The following GRM7 variants were observed in gnomAD, a reference collection of about 807,000 sequenced individuals.
GRM7 encodes the protein glutamate metabotropic receptor 7.
GRM7 carries 35 observed loss-of-function variants against 84.5 expected under a neutral mutation model. The observed-to-expected ratio is 0.41, with a 90% CI of 0.32 to 0.55. GRM7 has a LOEUF of 0.55. Ranked by LOEUF, GRM7 falls within the 20% of genes least tolerant of loss-of-function variation. The pLI, the probability that GRM7 is intolerant of heterozygous loss-of-function variation, is 0.19. For missense variants in GRM7, 1,003 were observed against 1,194.6 expected, an observed-to-expected ratio of 0.84 and a Z score of 2.36; for synonymous variants, 487 against 455.1, an observed-to-expected ratio of 1.07 and a Z score of -0.89.
At chr3:7,534,155 A>G (rs1701152414) in intron 7 of GRM7, among the ~76,000 whole-genome samples, 1 of 151,968 alleles carries the variant, frequency 6.6e-6, no homozygotes, top group Non-Finnish European at 1.5e-5. Flanking sequence ...CTGGGACCAC[A>G]GGCACACACC....
At chr3:7,705,145 AC>A (rs1375223223) in intron 9 of GRM7, among the ~76,000 whole-genome samples, 1 of 152,098 alleles carries the variant, frequency 6.6e-6, no homozygotes, top group African/African-American at 2.4e-5. Context: ...AAATAGCTTC[AC>A]CTTGGCCAAC....
chr3:7,329,425 T>C (rs1383700276), intron 4 of GRM7, among the ~76,000 whole-genome samples: 2 of 152,184 alleles, frequency 1.3e-5, no homozygotes, highest in Non-Finnish European at 2.9e-5. Flanking sequence ...TGCCGGTAAT[T>C]GAGAAGTTGC....
intron 1 of GRM7, among the ~76,000 whole-genome samples, chr3:7,072,888 C>A (rs898069272): frequency 6.6e-6 from 1 of 152,034 alleles, no homozygotes; most frequent in South Asian, 2.1e-4. Flanking sequence ...GAATCATAGC[C>A]CCCAGGCTAA....
At chr3:7,392,575 G>C (rs772944061) in intron 4 of GRM7, among the ~76,000 whole-genome samples, 5 of 152,320 alleles carry the variant, frequency 3.3e-5, no homozygotes, top group African/African-American at 7.2e-5. Flanking sequence ...ACATGGGCAA[G>C]GCACTGTGGC....
At chr3:7,664,473 A>G (rs375393717) in intron 8 of GRM7, among the ~76,000 whole-genome samples, 6 of 152,166 alleles carry the variant, frequency 3.9e-5, no homozygotes, top group African/African-American at 1.4e-4. Flanking sequence ...CTCATGTGTT[A>G]CTATGGGCAA....
At chr3:7,632,316 C>T (rs1697892380) in intron 8 of GRM7, among the ~76,000 whole-genome samples, 1 of 152,080 alleles carries the variant, frequency 6.6e-6, no homozygotes, top group South Asian at 2.1e-4. Context: ...GCATGAGTAG[C>T]CATTACTATT....
chr3:7,271,103 T>G (rs959159206), intron 2 of GRM7, among the ~76,000 whole-genome samples: 2 of 152,082 alleles, frequency 1.3e-5, no homozygotes, highest in Non-Finnish European at 2.9e-5. Flanking sequence ...GTATGTATGG[T>G]GAGAAAAGGA....
chr3:7,558,931 T>G (rs1309091954), intron 7 of GRM7, among the ~76,000 whole-genome samples: 1 of 152,148 alleles, frequency 6.6e-6, no homozygotes, highest in African/African-American at 2.4e-5. Context: ...AGCTTGTTAT[T>G]AAAAGCATAA....
chr3:6,918,282 A>T (rs1009274961), intron 1 of GRM7, among the ~76,000 whole-genome samples: 32 of 152,206 alleles, frequency 2.1e-4, no homozygotes, highest in Admixed American at 1.9e-3. Flanking sequence ...TTAAGCCTTC[A>T]GTTCATTTTT....
At chr3:7,229,930 C>T (rs981263311) in intron 2 of GRM7, among the ~76,000 whole-genome samples, 2 of 144,248 alleles carry the variant, frequency 1.4e-5, no homozygotes, top group Admixed American at 7.0e-5. Context: ...AGCTCCGCCT[C>T]CCGGGTTCAC....
At chr3:7,311,992 T>C (rs1361209985) in intron 4 of GRM7, among the ~76,000 whole-genome samples, 1 of 152,196 alleles carries the variant, frequency 6.6e-6, no homozygotes, top group African/African-American at 2.4e-5. Context: ...GAAATGTCCA[T>C]GATTTCTCCT....
intron 4 of GRM7, among the ~76,000 whole-genome samples, chr3:7,377,687 C>G (rs971762428): frequency 1.3e-5 from 2 of 152,046 alleles, no homozygotes; most frequent in Non-Finnish European, 2.9e-5. Flanking sequence ...GCTTCTAGTC[C>G]CTGCAAGACA....
chr3:7,550,573 C>G (rs199603673), intron 7 of GRM7, among the ~76,000 whole-genome samples: 7,196 of 59,640 alleles, frequency 0.12, 313 homozygotes, highest in African/African-American at 0.19. Context: ...CTCTCTCTCT[C>G]TCTCTGTGTG....
At chr3:7,544,892 A>C (rs1043995835) in intron 7 of GRM7, among the ~76,000 whole-genome samples, 1 of 152,198 alleles carries the variant, frequency 6.6e-6, no homozygotes, top group Non-Finnish European at 1.5e-5. Flanking sequence ...AAGTTCTAAA[A>C]ATTTTCGAAC....
At chr3:6,910,539 C>T (rs1696731887) in intron 1 of GRM7, among the ~76,000 whole-genome samples, 1 of 152,094 alleles carries the variant, frequency 6.6e-6, no homozygotes, top group South Asian at 2.1e-4. Context: ...GGCCAGAATG[C>T]AAAATCATGA....
At chr3:7,728,299 G>A (rs1176347427) in intron 9 of GRM7, among the ~76,000 whole-genome samples, 1 of 152,162 alleles carries the variant, frequency 6.6e-6, no homozygotes, top group African/African-American at 2.4e-5. Flanking sequence ...CAGGTAAAGG[G>A]AGAAGGTCAG....
chr3:6,949,345 G>T (rs954489229), intron 1 of GRM7, among the ~76,000 whole-genome samples: 1 of 152,076 alleles, frequency 6.6e-6, no homozygotes, highest in Non-Finnish European at 1.5e-5. Context: ...GAAATTCTGG[G>T]TTGAAAATTC....
intron 1 of GRM7, among the ~76,000 whole-genome samples, chr3:6,940,132 A>G (rs1697835044): frequency 6.6e-6 from 1 of 152,136 alleles, no homozygotes; most frequent in Non-Finnish European, 1.5e-5. Context: ...TCCCTCTGCC[A>G]CCAGGCTGGA....
chr3:7,537,804 C>T (rs1261269137), intron 7 of GRM7, among the ~76,000 whole-genome samples: 1 of 152,162 alleles, frequency 6.6e-6, no homozygotes, highest in African/African-American at 2.4e-5. Flanking sequence ...AGATGTATAT[C>T]TTCAGATGAG....
Sources: allele counts gnomAD v4.1 joint callset (sites outside exome capture counted in the v4.1 genomes callset), GRCh38; gene constraint gnomAD v4.1.1; transcripts MANE v1.5; gene names NCBI Gene and HGNC (gene_info 2026-07-23, HGNC 2026-07-21).